The following NEU3 variants were observed in gnomAD, a reference collection of about 807,000 sequenced individuals.
NEU3 encodes the protein neuraminidase 3, also known as sialidase-3.
Under a neutral mutation model 11.4 loss-of-function variants are expected in NEU3, and 10 were observed. The ratio of observed to expected loss-of-function variants is 0.88; its 90% CI spans 0.54 to 1.49. The LOEUF (loss-of-function observed/expected upper bound fraction) is 1.49. Ranked by LOEUF, NEU3 falls within the 40% of genes most tolerant of loss-of-function variation. The probability of loss-of-function intolerance (pLI) is 0.00; values close to 1 mark genes in which losing one functional copy is unlikely to be tolerated. For missense variants in NEU3, 529 were observed against 581.8 expected (o/e 0.91, Z 0.93); for synonymous variants, 212 against 228.2 (o/e 0.93, Z 0.64).
rs773153256 is a variant in NEU3 at position 75,005,818 on chromosome 11, A to G, written c.712A>G (p.Ser238Gly). Residue 238 changes from serine (S) to glycine (G), a missense_variant, in exon 3 of 3, where the codon AGT (serine) becomes GGT (glycine). Transcript: ENST00000294064. ...KTRPHSLMIY[S>G]DDLGVTWHHG... ...CAGGCCTCATTCTCTGATGATCTAC[A>G]GTGATGACCTAGGGGTCACATGGCA... 1.3e-5 allele frequency: 21 copies of G among 1,613,854 alleles called. No individual in the cohort carries two copies. The highest frequency in any genetic ancestry group is 1.7e-5 in the Non-Finnish European group (20 of 1,179,900).
chr11:74,988,099 T>G (rs531933291), upstream of NEU3: 2 of 152,198 alleles, frequency 1.3e-5, no homozygotes, highest in South Asian at 4.2e-4. Flanking sequence ...TACAGAAGCT[T>G]TACATTTTTA....
chr11:74,998,195 T>C (rs934955733), intron 2 of NEU3, among the ~76,000 whole-genome samples: 2 of 152,232 alleles, frequency 1.3e-5, no homozygotes, highest in Admixed American at 1.3e-4. Flanking sequence ...ACAGTTGTCA[T>C]ACTCCAAAAC....
At chr11:75,020,598 T>A (rs905244785), downstream of NEU3, among the ~76,000 whole-genome samples, 2 of 152,242 alleles carry the variant, frequency 1.3e-5, no homozygotes, top group African/African-American at 4.8e-5. Flanking sequence ...GACTTGCTCC[T>A]CCTTGTCTTC....
At chr11:74,997,251 C>G (rs550029993) in intron 2 of NEU3, among the ~76,000 whole-genome samples, 2 of 152,332 alleles carry the variant, frequency 1.3e-5, no homozygotes, top group Admixed American at 1.3e-4. Context: ...TAGCTTCTCC[C>G]ATCAGCACTT....
intron 2 of NEU3, among the ~76,000 whole-genome samples, chr11:74,995,349 G>A (rs774119240): frequency 6.6e-6 from 1 of 152,172 alleles, no homozygotes; most frequent in East Asian, 1.9e-4. Context: ...CTTTGGTCAC[G>A]CGTCTAATAA....
upstream of NEU3, among the ~76,000 whole-genome samples, chr11:74,984,785 G>A (rs1341344696): frequency 6.6e-6 from 1 of 152,180 alleles, no homozygotes; most frequent in African/African-American, 2.4e-5. Context: ...CAGACACTTA[G>A]ACAATCTGAA....
At position 75,010,837 on chromosome 11, in the gene NEU3, T is replaced by G; in HGVS notation, c.*4345T>G. ...GCTTTGTGATGCTGAGTGCCAGAAA[T>G]ACTCTGTACTATAAAAACTACCATC... On this transcript the variant is annotated 3_prime_UTR_variant, in exon 3 of 3. Coordinates refer to ENST00000294064, the MANE Select transcript of NEU3 (RefSeq NM_006656.6). The G allele has an allele frequency of 6.6e-6, 1 of 152,164 alleles. No homozygotes were observed. Among genetic ancestry groups the G allele is most frequent in the East Asian group, 1.9e-4 (1 of 5,194 alleles). 9.4% of individuals were successfully genotyped at this position (152,164 alleles called of 1,614,324 possible). A position where few individuals can be genotyped will look rare whatever the true frequency, so the allele number is the denominator to read the frequency against.
upstream of NEU3, among the ~76,000 whole-genome samples, chr11:74,983,371 GAAAT>G (rs1396426271): frequency 2.0e-5 from 3 of 152,300 alleles, no homozygotes; most frequent in South Asian, 4.1e-4. Context: ...AAGAGGAAAA[GAAAT>G]AAAAGCACAG....
chr11:75,000,308 G>C (rs1006901775), intron 2 of NEU3, among the ~76,000 whole-genome samples: 11 of 152,026 alleles, frequency 7.2e-5, no homozygotes, highest in Admixed American at 6.6e-4. Context: ...GTAGTGCCAG[G>C]TATATTCAAA....
rs368629826 is a variant in NEU3, at chr11:75,005,548, C to G, written c.442C>G (p.Gln148Glu). Residue 148 changes from glutamine to glutamate, a missense_variant, in exon 3 of 3, where the codon CAA becomes GAA. Physicochemically the swap from Gln to Glu is conservative, Grantham distance 29. Transcript: ENST00000294064. Reference sequence around the variant, plus strand: ...TGTGCGGGGCCATGTCACAGAGCGTCAACAGATTGTGTCAGGCAGGAATGC... The same window carrying G: ...TGTGCGGGGCCATGTCACAGAGCGTGAACAGATTGTGTCAGGCAGGAATGC... ...ICVRGHVTER[Q>E]QIVSGRNAAR... is the part of the protein sequence containing the mutation. 70 of 1,613,858 alleles carry G rather than the reference C, an allele frequency of 4.3e-5. No individual in the cohort carries two copies. Among genetic ancestry groups the G allele is most frequent in the Non-Finnish European group, 5.7e-5 (67 of 1,179,908 alleles).
chr11:75,001,549 C>T (rs1948844592), intron 2 of NEU3, among the ~76,000 whole-genome samples: 1 of 152,164 alleles, frequency 6.6e-6, no homozygotes, highest in African/African-American at 2.4e-5. Context: ...TCCCAAAGTA[C>T]TAGGATTACA....
At chr11:74,991,187 G>T (rs1782983769) in intron 1 of NEU3, among the ~76,000 whole-genome samples, 1 of 152,192 alleles carries the variant, frequency 6.6e-6, no homozygotes, top group African/African-American at 2.4e-5. Context: ...TTAGAACAAA[G>T]CCTGACCCTC....
chr11:75,003,625 C>T (rs1948867300), intron 2 of NEU3, among the ~76,000 whole-genome samples: 2 of 152,070 alleles, frequency 1.3e-5, no homozygotes, highest in Admixed American at 6.5e-5. Context: ...CTCGGTGGCT[C>T]ACGCCTGTAA....
intron 3 of NEU3, among the ~76,000 whole-genome samples, chr11:75,017,427 C>T (rs1025490559): frequency 3.3e-5 from 5 of 152,166 alleles, no homozygotes; most frequent in Admixed American, 1.3e-4. Context: ...GTGCCCCATA[C>T]AGAAGTATCT....
At chr11:75,004,242 G>A in intron 2 of NEU3, 2 of 642,814 alleles carry the variant, frequency 3.1e-6, no homozygotes, top group African/African-American at 1.9e-5. Flanking sequence ...TTATGATTTT[G>A]CTAATTTGAT....
upstream of NEU3, among the ~76,000 whole-genome samples, chr11:74,987,079 AT>A (rs1254093337): frequency 6.6e-6 from 1 of 152,194 alleles, no homozygotes; most frequent in Non-Finnish European, 1.5e-5. Context: ...CATTAAATTC[AT>A]TTTGTCATTA....
intron 2 of NEU3, among the ~76,000 whole-genome samples, chr11:74,996,617 C>T (rs973696637): frequency 6.6e-6 from 1 of 152,172 alleles, no homozygotes; most frequent in Non-Finnish European, 1.5e-5. Context: ...ATATTATGAC[C>T]TCCCATGAAT....
chr11:74,989,234 TGG>T (rs1218089013), intron 1 of NEU3, 80 bp downstream of exon 1: 16 of 1,209,758 alleles, frequency 1.3e-5, no homozygotes, highest in Non-Finnish European at 1.9e-5. Flanking sequence ...CATCTGCGTT[TGG>T]GAAATCCAGC....
downstream of NEU3, among the ~76,000 whole-genome samples, chr11:75,012,958 C>G (rs1948964945): frequency 6.6e-6 from 1 of 152,228 alleles, no homozygotes; most frequent in Non-Finnish European, 1.5e-5. Context: ...AGGTTCCAAT[C>G]ACTAGGAGCT....
Sources: gnomAD v4.1 joint callset for allele counts (sites outside exome capture counted in the v4.1 genomes callset) on GRCh38, gnomAD v4.1.1 for gene constraint, MANE v1.5 for transcripts, NCBI Gene and HGNC (gene_info 2026-07-23, HGNC 2026-07-21) for gene names.